Variants in CLDN11 observed in about 807,000 individuals in gnomAD.
The protein encoded by CLDN11 is claudin-11.
CLDN11 carries 1 observed loss-of-function variant against 18.0 expected under a neutral mutation model. That is an observed-to-expected ratio of 0.06 (90% confidence interval 0.02 to 0.26). The LOEUF (loss-of-function observed/expected upper bound fraction) is 0.26, where lower values mean the gene tolerates loss of function less well. CLDN11 is among the 10% of genes least tolerant of loss of function. The pLI, the probability that CLDN11 is intolerant of heterozygous loss-of-function variation, is 1.00. For missense variants in CLDN11, 172 were observed against 276.6 expected (o/e 0.62, Z 2.68); for synonymous variants, 116 against 121.5 (o/e 0.96, Z 0.30).
chr3:170,425,259 G>A (rs186292120), intron 2 of CLDN11, among the ~76,000 whole-genome samples: 2 of 152,252 alleles, frequency 1.3e-5, no homozygotes, highest in East Asian at 3.9e-4. Context: ...CAGAAGCCCC[G>A]GAAGGTTCTC....
chr3:170,424,940 TGCGC>T lies in CLDN11; in HGVS notation c.391+1617_391+1620del, dbSNP rs141668855. ...GGGTGTGTGTGTGTGTGTGTGTGTG[TGCGC>T]GCGTGTGTGTGTGTTAACAGGAGTG... On this transcript the variant is annotated intron_variant, in intron 2 of 2. Coordinates refer to ENST00000064724, the MANE Select transcript of CLDN11 (RefSeq NM_005602.6). Among the ~76,000 whole-genome samples the T allele has an allele frequency of 3.7e-4, 31 of 84,248 alleles. 1 individual carries two copies. The highest frequency in any genetic ancestry group is 1.8e-3 in the South Asian group (4 of 2,186). The allele number at this position is 84,248 out of a possible 152,430, so 55.3% of individuals were successfully genotyped here.
In CLDN11 at chr3:170,419,705, G is replaced by A. The variant is rs747802251; in HGVS notation, c.226+413G>A. 3.9e-5 allele frequency among the ~76,000 whole-genome samples: 6 copies of A among 152,274 alleles called. No homozygotes were observed. Among genetic ancestry groups the A allele is most frequent in the Non-Finnish European group, 5.9e-5 (4 of 68,050 alleles). ...CGCGTTAGGTTCCGCCCGCAGAGGT[G>A]AGAAGGAGCGTGTAACACAAGCTGA... On this transcript the variant is annotated intron_variant, in intron 1 of 2. Coordinates refer to ENST00000064724, the MANE Select transcript of CLDN11 (RefSeq NM_005602.6). The surrounding 1 kb of genome is among the most constrained non-coding windows in gnomAD (Gnocchi z 8.6).
chr3:170,425,086 C>G (rs182431413), intron 2 of CLDN11, among the ~76,000 whole-genome samples: 1 of 152,208 alleles, frequency 6.6e-6, no homozygotes, highest in South Asian at 2.1e-4. Context: ...CTTTATCTGA[C>G]TCACAGGGGC....
Position 170,419,296 on chromosome 3 carries a change from A to C in CLDN11, c.226+4A>C. 1 of 1,547,650 alleles carries C rather than the reference A, an allele frequency of 6.5e-7. No individual in the cohort carries two copies. ...GTGGACATCCTCATCCTGCCGGGTA[A>C]GGACCCGAGCTTGGCGGCGGCTCCC... On this transcript the variant is annotated splice_donor_region_variant and intron_variant, in intron 1 of 2. Transcript: ENST00000064724. The surrounding 1 kb of genome is among the most constrained non-coding windows in gnomAD (Gnocchi z 8.6).
intron 2 of CLDN11, among the ~76,000 whole-genome samples, chr3:170,430,857 C>A (rs533826583): frequency 6.6e-6 from 1 of 152,232 alleles, no homozygotes; most frequent in Admixed American, 6.5e-5. Flanking sequence ...ATTTTAGCTT[C>A]TTAGATAATC....
chr3:170,428,140 C>T (rs1407250013), intron 2 of CLDN11, among the ~76,000 whole-genome samples: 1 of 106,920 alleles, frequency 9.4e-6, no homozygotes, highest in African/African-American at 3.8e-5. Context: ...GATATCCTAT[C>T]AAAAAAAAAA....
At chr3:170,423,362 A>G in intron 2 of CLDN11, 35 bp downstream of exon 2, 2 of 1,605,468 alleles carry the variant, frequency 1.2e-6, no homozygotes, top group South Asian at 2.2e-5. Flanking sequence ...CCTACCTATG[A>G]GGGAGCCTGA....
intron 2 of CLDN11, among the ~76,000 whole-genome samples, chr3:170,424,225 C>A (rs1007594405): frequency 2.0e-5 from 3 of 152,074 alleles, no homozygotes; most frequent in Admixed American, 6.5e-5. Context: ...GCCGTCTTTG[C>A]TTTGAGTGTA....
At chr3:170,431,284 CT>C (rs1281824880) in intron 2 of CLDN11, among the ~76,000 whole-genome samples, 1 of 152,102 alleles carries the variant, frequency 6.6e-6, no homozygotes, top group Non-Finnish European at 1.5e-5. Context: ...AACGGTACCC[CT>C]GGTGGCAAAC....
At position 170,433,398 on chromosome 3, in the gene CLDN11, C is replaced by T. The variant is rs1739058779; in HGVS notation, c.*642C>T. 1 of 152,104 alleles carries T rather than the reference C, an allele frequency of 6.6e-6. No individual in the cohort carries two copies. The highest frequency in any genetic ancestry group is 1.5e-5 in the Non-Finnish European group (1 of 68,098). 9.4% of individuals were successfully genotyped at this position (152,104 alleles called of 1,614,324 possible). A position where few individuals can be genotyped will look rare whatever the true frequency, so the allele number is the denominator to read the frequency against. ...TCAAAGTATCCTCCCGCCTCGGCCT[C>T]CCAAAGTGTTGGGATTATAGGAGTG... On this transcript the variant is annotated 3_prime_UTR_variant, in exon 3 of 3. Transcript: ENST00000064724.
In CLDN11 at chr3:170,423,206, C is replaced by T. The variant is rs763619850; in HGVS notation, c.270C>T (p.Val90=). 70 of 1,614,062 alleles carry T rather than the reference C, an allele frequency of 4.3e-5. No homozygotes were observed. In the South Asian group the frequency reaches 7.5e-4, roughly 17 times the overall value. Residue 90 remains valine, a synonymous_variant, in exon 2 of 3, where the codon GTC becomes GTT. Transcript: ENST00000064724. ...GCGCCCTGATGATTGCTGCCTCGGTCCTGGGTCTGCCGGCCATTTTACTGC... is the reference window on the plus strand; with the variant it reads ...GCGCCCTGATGATTGCTGCCTCGGTTCTGGGTCTGCCGGCCATTTTACTGC... ...ACRALMIAAS[V]LGLPAILLLL... is the part of the protein sequence containing the mutation.
intron 2 of CLDN11, among the ~76,000 whole-genome samples, chr3:170,424,770 G>T (rs1006035785): frequency 6.6e-6 from 1 of 152,164 alleles, no homozygotes; most frequent in Non-Finnish European, 1.5e-5. Context: ...GGTTCTGTGT[G>T]GGTTGATGCC....
intron 1 of CLDN11, chr3:170,421,219 C>G: frequency 1.1e-6 from 1 of 914,396 alleles, no homozygotes; most frequent in Non-Finnish European, 1.3e-6. Flanking sequence ...TGGGTGGAGG[C>G]AGGAACAGTC....
At chr3:170,420,172 C>G (rs1012131540) in intron 1 of CLDN11, among the ~76,000 whole-genome samples, 3 of 152,356 alleles carry the variant, frequency 2.0e-5, no homozygotes, top group Middle Eastern at 6.8e-3. Flanking sequence ...CACATGTGTC[C>G]TGTGGAAACA....
At chr3:170,423,648 C>T (rs1201795760) in intron 2 of CLDN11, 1 of 302,264 alleles carries the variant, frequency 3.3e-6, no homozygotes, top group Non-Finnish European at 6.3e-6. Flanking sequence ...TTTTGAACAC[C>T]TATGCCCAGG....
intron 2 of CLDN11, among the ~76,000 whole-genome samples, chr3:170,428,259 AACGTCAAAC>A (rs1738912696): frequency 6.6e-6 from 1 of 152,028 alleles, no homozygotes; most frequent in Admixed American, 6.6e-5. Context: ...TGTTACCTCC[AACGTCAAAC>A]ATACCTGTAT....
At position 170,419,371 on chromosome 3, in the gene CLDN11, G is replaced by C. The variant is rs1401537044; in HGVS notation, c.226+79G>C. 2 of 1,063,728 alleles carry C rather than the reference G, an allele frequency of 1.9e-6. No individual in the cohort carries two copies. The highest frequency in any genetic ancestry group is 5.3e-5 in the East Asian group (2 of 38,070). The allele number at this position is 1,063,728 out of a possible 1,614,324, so 65.9% of individuals were successfully genotyped here. On this transcript the variant is annotated intron_variant, in intron 1 of 2. Transcript: ENST00000064724. The surrounding 1 kb of genome is among the most constrained non-coding windows in gnomAD (Gnocchi z 8.6). ...GCGGGATATTAGACGGCGTCACAGA[G>C]ACATTTTGGGGGCTTGAAGACCTTT...
chr3:170,431,437 C>T (rs1485273873), intron 2 of CLDN11, among the ~76,000 whole-genome samples: 1 of 152,044 alleles, frequency 6.6e-6, no homozygotes, highest in African/African-American at 2.4e-5. Flanking sequence ...TTGTTTAGAG[C>T]TGTGTTGTTC....
chr3:170,423,238 C>T lies in CLDN11; in HGVS notation c.302C>T (p.Thr101Ile). The T allele has an allele frequency of 6.2e-7, 1 of 1,614,222 alleles. No individual in the cohort carries two copies. Among genetic ancestry groups the T allele is most frequent in the Non-Finnish European group, 8.5e-7 (1 of 1,180,040 alleles). Residue 101 changes from threonine to isoleucine, a missense_variant, in exon 2 of 3, where the codon ACT (threonine) becomes ATT (isoleucine). Transcript: ENST00000064724. ...LGLPAILLLL[T>I]VLPCIRMGQE... is the part of the protein sequence containing the mutation. ...CTGCCGGCCATTTTACTGCTGCTGACTGTTCTTCCCTGCATCCGGATGGGC... is the reference window on the plus strand; with the variant it reads ...CTGCCGGCCATTTTACTGCTGCTGATTGTTCTTCCCTGCATCCGGATGGGC...
Sources: allele counts gnomAD v4.1 joint callset (sites outside exome capture counted in the v4.1 genomes callset), GRCh38; gene constraint gnomAD v4.1.1; non-coding constraint Gnocchi (gnomAD v3.1); transcripts MANE v1.5; gene names NCBI Gene and HGNC (gene_info 2026-07-23, HGNC 2026-07-21).